Variants in CDH19 observed in about 807,000 individuals in gnomAD.
CDH19 encodes the protein cadherin 19.
In CDH19, 67 loss-of-function variants were observed where a neutral mutation model predicts 64.2. That is an observed-to-expected ratio of 1.04 (90% CI 0.86 to 1.28). The LOEUF is 1.28. Ranked by LOEUF, CDH19 falls within the 50% of genes most tolerant of loss-of-function variation. The pLI, the probability that CDH19 is intolerant of heterozygous loss-of-function variation, is 0.00. For synonymous variants in CDH19, 346 were observed against 319.3 expected (o/e 1.08, Z -0.89); for missense variants, 1,030 against 929.0 (o/e 1.11, Z -1.41).
intron 1 of CDH19, among the ~76,000 whole-genome samples, chr18:66,601,885 A>G (rs1989045628): frequency 6.6e-6 from 1 of 151,890 alleles, no homozygotes; most frequent in Non-Finnish European, 1.5e-5. Flanking sequence ...AAAGTGGCAA[A>G]CATCTTTCTA....
In CDH19 at chr18:66,572,565, G is replaced by T. The variant is rs188752504; in HGVS notation, c.-112-249C>A. On this transcript the variant is annotated intron_variant, in intron 1 of 11. Transcript: ENST00000262150. Reference sequence around the variant, plus strand: ...TCATAAATCTGCCTGAAAGTTGAAAGATTGCTCTGGGAGTCTCCTGGATTG... The same window carrying T: ...TCATAAATCTGCCTGAAAGTTGAAATATTGCTCTGGGAGTCTCCTGGATTG... Among the ~76,000 whole-genome samples, 49 of 151,820 alleles carry T rather than the reference G, an allele frequency of 3.2e-4. 1 individual carries two copies. The highest frequency in any genetic ancestry group is 6.0e-4 in the Non-Finnish European group (41 of 67,800).
intron 1 of CDH19, among the ~76,000 whole-genome samples, chr18:66,594,001 C>A (rs1010809265): frequency 6.6e-6 from 1 of 152,018 alleles, no homozygotes; most frequent in Non-Finnish European, 1.5e-5. Context: ...TTTTTAAAGA[C>A]CCAACTGTGT....
intron 7 of CDH19, among the ~76,000 whole-genome samples, chr18:66,535,349 T>C (rs565719398): frequency 6.6e-6 from 1 of 151,682 alleles, no homozygotes; most frequent in African/African-American, 2.4e-5. Context: ...AAATTAATGA[T>C]TGTGAATCTT....
At chr18:66,561,016 A>C (rs1449774695) in intron 3 of CDH19, among the ~76,000 whole-genome samples, 1 of 152,082 alleles carries the variant, frequency 6.6e-6, no homozygotes, top group Non-Finnish European at 1.5e-5. Context: ...AATATTCTTC[A>C]TAAGTATTTA....
intron 7 of CDH19, among the ~76,000 whole-genome samples, chr18:66,543,169 G>A (rs1986957527): frequency 6.6e-6 from 1 of 152,056 alleles, no homozygotes; most frequent in Non-Finnish European, 1.5e-5. Flanking sequence ...GGGACTACAG[G>A]TGCCCGCCGC....
intron 2 of CDH19, among the ~76,000 whole-genome samples, chr18:66,570,129 C>G (rs930368074): frequency 6.6e-6 from 1 of 151,434 alleles, no homozygotes. Flanking sequence ...ATCAATATAT[C>G]AAGTGAGCAA....
At chr18:66,561,817 C>G (rs1987733670) in intron 3 of CDH19, among the ~76,000 whole-genome samples, 1 of 151,920 alleles carries the variant, frequency 6.6e-6, no homozygotes, top group Non-Finnish European at 1.5e-5. Flanking sequence ...AATAAACATA[C>G]AAATATAATT....
At chr18:66,597,111 A>G (rs1988917099) in intron 1 of CDH19, among the ~76,000 whole-genome samples, 1 of 145,364 alleles carries the variant, frequency 6.9e-6, no homozygotes, top group South Asian at 2.2e-4. Context: ...AATCATACTA[A>G]TGTTCACAGG....
rs568284672 is a variant in CDH19, at chr18:66,530,533, AT to A, written c.1337-568del. Among the ~76,000 whole-genome samples, 18 of 152,164 alleles carry A rather than the reference AT, an allele frequency of 1.2e-4. No homozygotes were observed. The South Asian group carries it at 2.7e-3, about 23-fold the overall frequency. On this transcript the variant is annotated intron_variant, in intron 8 of 11. Coordinates refer to ENST00000262150, the MANE Select transcript of CDH19 (RefSeq NM_021153.4). ...TTTAAAGTAAAATAGTTATAATAAA[AT>A]CTAAATAAAGTTTTTATATAAACAT...
intron 1 of CDH19, among the ~76,000 whole-genome samples, chr18:66,579,281 G>T (rs1988356353): frequency 6.6e-6 from 1 of 151,902 alleles, no homozygotes; most frequent in Non-Finnish European, 1.5e-5. Context: ...TGCCTATAAA[G>T]TATTTTACCA....
chr18:66,568,994 T>C (rs1291504718), intron 2 of CDH19, among the ~76,000 whole-genome samples: 1 of 151,622 alleles, frequency 6.6e-6, no homozygotes, highest in East Asian at 1.9e-4. Context: ...ATGCACAACA[T>C]AGTTGGTTCA....
intron 11 of CDH19, among the ~76,000 whole-genome samples, chr18:66,507,196 A>C (rs1985245586): frequency 6.6e-6 from 1 of 151,928 alleles, no homozygotes; most frequent in Non-Finnish European, 1.5e-5. Flanking sequence ...GGATCTAGCT[A>C]TGTAGCTATG....
intron 7 of CDH19, among the ~76,000 whole-genome samples, chr18:66,541,036 C>T (rs1040563025): frequency 3.3e-5 from 5 of 151,972 alleles, no homozygotes; most frequent in Non-Finnish European, 7.4e-5. Context: ...TATTTCTGTG[C>T]CCCATTTTTT....
intron 1 of CDH19, among the ~76,000 whole-genome samples, chr18:66,591,044 A>C (rs1324285453): frequency 6.6e-6 from 1 of 151,898 alleles, no homozygotes; most frequent in African/African-American, 2.4e-5. Flanking sequence ...TAGAATCTGC[A>C]TAAAATGTAA....
chr18:66,529,764 A>G (rs1363899674), intron 9 of CDH19, 81 bp downstream of exon 9: 7 of 600,076 alleles, frequency 1.2e-5, no homozygotes, highest in Non-Finnish European at 1.8e-5. Context: ...ATATAACAAT[A>G]TTGTATAATA....
intron 8 of CDH19, among the ~76,000 whole-genome samples, 186 bp downstream of exon 8, chr18:66,534,800 A>G (rs1008529495): frequency 2.0e-4 from 30 of 152,006 alleles, no homozygotes; most frequent in Non-Finnish European, 3.4e-4. Context: ...AAAATAGTTT[A>G]GAAGGTATTT....
rs1488448811 is a variant in CDH19, at chr18:66,502,796, A to G, written c.*2016T>C. 1 of 151,846 alleles carries G rather than the reference A, an allele frequency of 6.6e-6. No individual in the cohort carries two copies. Among genetic ancestry groups the G allele is most frequent in the Non-Finnish European group, 1.5e-5 (1 of 67,844 alleles). The allele number at this position is 151,846 out of a possible 1,614,324, so 9.4% of individuals were successfully genotyped here. A position where few individuals can be genotyped will look rare whatever the true frequency, so the allele number is the denominator to read the frequency against. On this transcript the variant is annotated 3_prime_UTR_variant, in exon 12 of 12. Coordinates refer to ENST00000262150, the MANE Select transcript of CDH19 (RefSeq NM_021153.4). ...AATGGTATCATTGCGTTAAGGATTGACTACATCTTATGTCCTCTCATCCAC... is the reference window on the plus strand; with the variant it reads ...AATGGTATCATTGCGTTAAGGATTGGCTACATCTTATGTCCTCTCATCCAC...
intron 8 of CDH19, among the ~76,000 whole-genome samples, chr18:66,532,170 T>C (rs1986471006): frequency 6.6e-6 from 1 of 152,020 alleles, no homozygotes; most frequent in South Asian, 2.1e-4. Context: ...TTTTGCCATG[T>C]TGGCAACGGT....
chr18:66,525,999 T>C (rs1986206348), intron 9 of CDH19, among the ~76,000 whole-genome samples: 1 of 152,170 alleles, frequency 6.6e-6, no homozygotes, highest in African/African-American at 2.4e-5. Context: ...ATCAGTCAAA[T>C]TGACCTTCCT....
Sources: gnomAD v4.1 joint callset for allele counts (sites outside exome capture counted in the v4.1 genomes callset) on GRCh38, gnomAD v4.1.1 for gene constraint, MANE v1.5 for transcripts, NCBI Gene and HGNC (gene_info 2026-07-23, HGNC 2026-07-21) for gene names.